The following COL6A3 variants were observed in gnomAD, a reference collection of about 807,000 sequenced individuals.
The protein encoded by COL6A3 is collagen alpha-3(VI) chain.
COL6A3 carries 137 observed loss-of-function variants against 274.1 expected under a neutral mutation model. The observed-to-expected ratio is 0.50, with a 90% CI of 0.44 to 0.58. The LOEUF is 0.58. Among genes scored for constraint, COL6A3 ranks in the 20% least tolerant of loss-of-function variants. The pLI, the probability that COL6A3 is intolerant of heterozygous loss-of-function variation, is 0.00. For missense variants in COL6A3, 3,950 were observed against 4,124.9 expected (o/e 0.96, Z 1.16); for synonymous variants, 1,650 against 1,650.6 (o/e 1.00, Z 0.01).
rs779670941 is a variant in COL6A3, at chr2:237,336,364, C to T, written c.8736G>A (p.Pro2912=). 27 of 1,614,006 alleles carry T rather than the reference C, an allele frequency of 1.7e-5. No homozygotes were observed. Among genetic ancestry groups the T allele is most frequent in the East Asian group, 4.5e-5 (2 of 44,902 alleles). The change falls in exon 40 of 44, where the codon CCG becomes CCA. Residue 2912 remains proline (P), a synonymous_variant. Transcript: ENST00000295550. ...QPSVKPAAAK[P]APAKPVAAKP... ...TGGCAGCCACAGGTTTCGCAGGGGC[C>T]GGCTTTGCAGCGGCTGGCTTCACAG...
chr2:237,353,131 G>A (rs1313858131), intron 25 of COL6A3, among the ~76,000 whole-genome samples: 1 of 152,144 alleles, frequency 6.6e-6, no homozygotes, highest in East Asian at 1.9e-4. Flanking sequence ...AGGGTGATGG[G>A]GAGTGACTGC....
Position 237,331,611 on chromosome 2 carries a change from T to C in COL6A3, c.9328+1839A>G, listed in dbSNP as rs574671325. 2.0e-5 allele frequency among the ~76,000 whole-genome samples: 3 copies of C among 152,238 alleles called. No individual in the cohort carries two copies. In the East Asian group the frequency reaches 5.8e-4, roughly 29 times the overall value. ...AGCTCTCAAAAATGCCATAACTGTG[T>C]GTACACCAACATATATTCATCAGGC... is the stretch of plus-strand genomic sequence containing the variant. On this transcript the variant is annotated intron_variant, in intron 42 of 43. Coordinates refer to ENST00000295550, the MANE Select transcript of COL6A3 (RefSeq NM_004369.4).
intron 31 of COL6A3, among the ~76,000 whole-genome samples, 194 bp from the exon 32 acceptor site, chr2:237,346,759 G>A (rs1049477144): frequency 2.0e-5 from 3 of 152,112 alleles, no homozygotes; most frequent in African/African-American, 7.2e-5. Context: ...AAGCCAATGG[G>A]AGTCCCCCAC....
intron 4 of COL6A3, among the ~76,000 whole-genome samples, chr2:237,386,907 G>T (rs760104077): frequency 5.9e-5 from 9 of 151,964 alleles, no homozygotes; most frequent in Non-Finnish European, 1.3e-4. Context: ...GACTTGGTTG[G>T]TTTTTTTGTT....
Position 237,376,852 on chromosome 2 carries a change from T to C in COL6A3, c.2990A>G (p.Glu997Gly), listed in dbSNP as rs1339928672. The C allele has an allele frequency of 6.2e-7, 1 of 1,614,246 alleles. No individual in the cohort carries two copies. The highest frequency in any genetic ancestry group is 1.7e-5 in the Admixed American group (1 of 60,032). ...VLSPAFILAAESLPKIGDLHP... is the reference protein window; with the variant it reads ...VLSPAFILAAGSLPKIGDLHP... ...AAGATCTCCAATCTTGGGAAGCGACTCTGCAGCCAGGATAAACGCTGGAGA... is the reference window on the plus strand; with the variant it reads ...AAGATCTCCAATCTTGGGAAGCGACCCTGCAGCCAGGATAAACGCTGGAGA... Residue 997 changes from glutamate to glycine, a missense_variant, in exon 7 of 44, where the codon GAG becomes GGG. Physicochemically the swap from Glu to Gly is moderately conservative, Grantham distance 98 (BLOSUM62 -2). Transcript: ENST00000295550.
At position 237,336,526 on chromosome 2, in the gene COL6A3, A is replaced by C. The variant is rs1700561954; in HGVS notation, c.8574T>G (p.Val2858=). Residue 2858 remains valine (V), a synonymous_variant, in exon 40 of 44, where the codon GTT becomes GTG. Transcript: ENST00000295550. ...TAGGACTTGAAGTAACGTTATTCGG[A>C]ACATTTCTGTTAAGACAAATTAAAT... ...LVKFGHKQVN[V]PNNVTSSPTS... is the part of the protein sequence containing the mutation. 6.2e-7 allele frequency: 1 copy of C among 1,614,084 alleles called. No homozygotes were observed. The highest frequency in any genetic ancestry group is 1.3e-5 in the African/African-American group (1 of 74,930).
At chr2:237,360,761 G>C (rs1347322051) in intron 16 of COL6A3, among the ~76,000 whole-genome samples, 1 of 152,094 alleles carries the variant, frequency 6.6e-6, no homozygotes, top group Non-Finnish European at 1.5e-5. Flanking sequence ...AACCCCTAAA[G>C]CCCTGGTGAG....
intron 20 of COL6A3, 56 bp downstream of exon 20, chr2:237,358,979 C>A: frequency 1.9e-6 from 3 of 1,582,258 alleles, no homozygotes; most frequent in Non-Finnish European, 2.6e-6. Flanking sequence ...TAACTATTCC[C>A]TAAATGAAAT....
Position 237,344,410 on chromosome 2 carries a change from C to A in COL6A3, c.7608G>T (p.Ala2536=), listed in dbSNP as rs749750613. 2 of 1,614,186 alleles carry A rather than the reference C, an allele frequency of 1.2e-6. No homozygotes were observed. The highest frequency in any genetic ancestry group is 8.5e-7 in the Non-Finnish European group (1 of 1,180,014). ...LREAVLKLSD[A]GITPLFLTRQ... Reference sequence around the variant, plus strand: ...TTGTAAGGAACAAGGGGGTGATCCCCGCATCTGAGAGCTTGAGCACAGCCT... The same window carrying A: ...TTGTAAGGAACAAGGGGGTGATCCCAGCATCTGAGAGCTTGAGCACAGCCT... The change falls in exon 36 of 44, where the codon GCG becomes GCT. Residue 2536 remains alanine (A), a synonymous_variant. Coordinates refer to ENST00000295550, the MANE Select transcript of COL6A3 (RefSeq NM_004369.4). The surrounding 1 kb of genome is among the most constrained non-coding windows in gnomAD (Gnocchi z 4.8).
At chr2:237,388,920 T>C (rs2078220891) in intron 3 of COL6A3, among the ~76,000 whole-genome samples, 1 of 152,228 alleles carries the variant, frequency 6.6e-6, no homozygotes, top group Non-Finnish European at 1.5e-5. Context: ...GGCAGGATGT[T>C]TTGTTCATTT....
At position 237,359,354 on chromosome 2, in the gene COL6A3, T is replaced by C. The variant is rs2077385691; in HGVS notation, c.6309+8A>G. 1 of 1,614,112 alleles carries C rather than the reference T, an allele frequency of 6.2e-7. No individual in the cohort carries two copies. Among genetic ancestry groups the C allele is most frequent in the Non-Finnish European group, 8.5e-7 (1 of 1,180,020 alleles). On this transcript the variant is annotated splice_region_variant and intron_variant, in intron 18 of 43. Transcript: ENST00000295550. ...TTCCATTTGTAAAACAAAACCAAGC[T>C]TGCATACCTTCTCTCCTGGGAATCC... is the stretch of plus-strand genomic sequence containing the variant.
At chr2:237,352,816 C>T (rs1230167087) in intron 25 of COL6A3, among the ~76,000 whole-genome samples, 3 of 152,190 alleles carry the variant, frequency 2.0e-5, no homozygotes, top group African/African-American at 7.2e-5. Context: ...CAGACAAAAA[C>T]GTGTAGGAGA....
chr2:237,407,499 C>G lies in COL6A3; in HGVS notation c.-31+6454G>C, dbSNP rs538328015. On this transcript the variant is annotated intron_variant, in intron 1 of 43. Coordinates refer to ENST00000295550, the MANE Select transcript of COL6A3 (RefSeq NM_004369.4). The surrounding 1 kb of genome is among the most constrained non-coding windows in gnomAD (Gnocchi z 4.3). ...GCAGAAAGAGAAGGCCTGGACATCC[C>G]CTACCAATGCCCTCCCTCTGTGAAT... Among the ~76,000 whole-genome samples, 1 of 152,302 alleles carries G rather than the reference C, an allele frequency of 6.6e-6. No individual in the cohort carries two copies. The highest frequency in any genetic ancestry group is 1.5e-5 in the Non-Finnish European group (1 of 68,030).
At chr2:237,328,745 A>G (rs1390266245) in intron 42 of COL6A3, 2 of 152,240 alleles carry the variant, frequency 1.3e-5, no homozygotes, top group Non-Finnish European at 2.9e-5. Context: ...TAAAGGCATC[A>G]GCTTTGACAT....
rs368811075 is a variant in COL6A3 at position 237,341,191 on chromosome 2, A to G, written c.7766-41T>C. On this transcript the variant is annotated intron_variant, in intron 37 of 43. Transcript: ENST00000295550. ...GCAGCCTATTTGTTCTGTGACACCC[A>G]CAGCAGGATACACAGCTCATCAATC... 89 of 1,538,280 alleles carry G rather than the reference A, an allele frequency of 5.8e-5. 1 individual carries two copies. In the African/African-American group the frequency reaches 9.8e-4, roughly 17 times the overall value.
rs34181055 is a variant in COL6A3, at chr2:237,344,509, C to T, written c.7509G>A (p.Arg2503=). 0.033 allele frequency: 53,369 copies of T among 1,614,188 alleles called. 1,038 individuals carry two copies. Among genetic ancestry groups the T allele is most frequent in the South Asian group, 0.039 (3,592 of 91,074 alleles). Residue 2503 remains arginine (R), a synonymous_variant, in exon 36 of 44, where the codon AGG becomes AGA. Coordinates refer to ENST00000295550, the MANE Select transcript of COL6A3 (RefSeq NM_004369.4). This position sits in a 1 kb window ranked among gnomAD's most constrained non-coding sequence, Gnocchi z 4.8. ...FVARNTFKRV[R]NGFLMRKVAV... is the part of the protein sequence containing the mutation. ...CCACTTTCCTCATTAGGAATCCGTTCCTCACACGCTTAAATGTGTTCCTGG... is the reference window on the plus strand; with the variant it reads ...CCACTTTCCTCATTAGGAATCCGTTTCTCACACGCTTAAATGTGTTCCTGG...
rs749985039 is a variant in COL6A3, at chr2:237,394,677, G to A, written c.619C>T (p.His207Tyr). ...MFNLENFTSL[H>Y]DIVGNLVSCV... is the part of the protein sequence containing the mutation. ...GACACTAAGTTTCCTACTATGTCAT[G>A]AAGTGAGGTAAAATTCTCTAGGTTG... is the stretch of plus-strand genomic sequence containing the variant. Residue 207 changes from histidine to tyrosine, a missense_variant, in exon 3 of 44, where the codon CAT (histidine) becomes TAT (tyrosine). Transcript: ENST00000295550. The A allele has an allele frequency of 1.5e-5, 24 of 1,614,234 alleles. No homozygotes were observed. The highest frequency in any genetic ancestry group is 8.9e-5 in the East Asian group (4 of 44,882).
Position 237,332,070 on chromosome 2 carries a change from CATATATATATATATATATATATATAT to C in COL6A3, c.9328+1354_9328+1379del, listed in dbSNP as rs58082340. 8.8e-4 allele frequency among the ~76,000 whole-genome samples: 31 copies of C among 35,186 alleles called. 1 individual carries two copies. Among genetic ancestry groups the C allele is most frequent in the Non-Finnish European group, 1.5e-3 (21 of 14,378 alleles). 23.1% of individuals were successfully genotyped at this position (35,186 alleles called of 152,430 possible). On this transcript the variant is annotated intron_variant, in intron 42 of 43. Coordinates refer to ENST00000295550, the MANE Select transcript of COL6A3 (RefSeq NM_004369.4). ...CCCCCCATCTCTCTCTCTCTCTCTA[CATATATATATATATATATATATATAT>C]ATATATATATATATATATATATGAA...
intron 1 of COL6A3, among the ~76,000 whole-genome samples, chr2:237,403,698 G>A (rs1056080845): frequency 2.0e-5 from 3 of 152,098 alleles, no homozygotes; most frequent in Non-Finnish European, 4.4e-5. Flanking sequence ...GCAGTCTCCA[G>A]TGCTTGTGCT....
Sources: gnomAD v4.1 joint callset for allele counts (sites outside exome capture counted in the v4.1 genomes callset) on GRCh38, gnomAD v4.1.1 for gene constraint, Gnocchi (gnomAD v3.1) non-coding constraint, MANE v1.5 for transcripts, NCBI Gene and HGNC (gene_info 2026-07-23, HGNC 2026-07-21) for gene names.